The following SAMD12 variants were observed in gnomAD, a reference collection of about 807,000 sequenced individuals.
SAMD12 encodes sterile alpha motif domain containing 12, also known as sterile alpha motif domain-containing protein 12.
Under a neutral mutation model 15.0 loss-of-function variants are expected in SAMD12, and 9 were observed. That is an observed-to-expected ratio of 0.60 (90% CI 0.36 to 1.05). SAMD12 has a LOEUF of 1.05. Among genes scored for constraint, SAMD12 ranks in the 50% least tolerant of loss-of-function variants. SAMD12 has a pLI of 0.01. For synonymous variants in SAMD12, 86 were observed against 90.1 expected (o/e 0.96, Z 0.25); for missense variants, 230 against 234.2 (o/e 0.98, Z 0.12).
intron 3 of SAMD12, among the ~76,000 whole-genome samples, chr8:118,438,590 C>T (rs866721150): frequency 7.9e-5 from 12 of 152,148 alleles, no homozygotes; most frequent in Admixed American, 1.3e-4. Flanking sequence ...AGAAAACCAT[C>T]GACTGAGACC....
chr8:118,411,446 T>C (rs1046475389), intron 3 of SAMD12, among the ~76,000 whole-genome samples: 1 of 152,294 alleles, frequency 6.6e-6, no homozygotes, highest in African/African-American at 2.4e-5. Context: ...CTTTTTAACA[T>C]GTCAGAAGAT....
chr8:118,182,648 G>A, the SAMD12 span, among the ~76,000 whole-genome samples: 13 of 152,124 alleles, frequency 8.5e-5, no homozygotes, highest in Admixed American at 5.9e-4. Flanking sequence ...AAAACTTGAC[G>A]AGCCTGAAAT....
chr8:118,501,942 G>C (rs1438720566), intron 2 of SAMD12, among the ~76,000 whole-genome samples: 1 of 151,572 alleles, frequency 6.6e-6, no homozygotes, highest in Non-Finnish European at 1.5e-5. Context: ...GCACGAACCC[G>C]TTGGGGGGCG....
chr8:118,302,081 T>TTTTTTTTTTG (rs1309623944), intron 4 of SAMD12, among the ~76,000 whole-genome samples: 7 of 65,134 alleles, frequency 1.1e-4, no homozygotes, highest in African/African-American at 4.6e-4. Flanking sequence ...TTTGAGAGTT[T>TTTTTTTTTTG]TTTTTTTTTT....
At chr8:118,460,265 T>C (rs1264536821) in intron 2 of SAMD12, among the ~76,000 whole-genome samples, 1 of 152,228 alleles carries the variant, frequency 6.6e-6, no homozygotes, top group Non-Finnish European at 1.5e-5. Flanking sequence ...ATGGGTAAAG[T>C]ATAAAAACCC....
At chr8:118,206,661 C>T (rs576753496) in intron 4 of SAMD12, among the ~76,000 whole-genome samples, 4 of 152,166 alleles carry the variant, frequency 2.6e-5, no homozygotes, top group African/African-American at 4.8e-5. Flanking sequence ...ATCACTGATG[C>T]GCTGTCTCTA....
At chr8:118,241,925 A>G (rs1341252213) in intron 4 of SAMD12, among the ~76,000 whole-genome samples, 1 of 152,148 alleles carries the variant, frequency 6.6e-6, no homozygotes, top group Non-Finnish European at 1.5e-5. Context: ...GTATTTATTT[A>G]TTTGGAGACT....
exon 5 of SAMD12, chr8:118,196,578 G>C (rs538126689): frequency 1.3e-5 from 2 of 152,222 alleles, no homozygotes; most frequent in South Asian, 4.2e-4. Flanking sequence ...CCTAAGTAAG[G>C]AACCTAGTAT....
chr8:118,422,991 C>T (rs538086497), intron 3 of SAMD12, among the ~76,000 whole-genome samples: 13 of 152,186 alleles, frequency 8.5e-5, no homozygotes, highest in Admixed American at 2.6e-4. Context: ...CTGGGCAACA[C>T]GGTGAAAACC....
At position 118,491,347 on chromosome 8, in the gene SAMD12, C is replaced by T. The variant is rs970585287; in HGVS notation, c.193-51386G>A. Among the ~76,000 whole-genome samples, 6 of 152,142 alleles carry T rather than the reference C, an allele frequency of 3.9e-5. 1 individual carries two copies. The highest frequency in any genetic ancestry group is 4.1e-4 in the South Asian group (2 of 4,832). On this transcript the variant is annotated intron_variant, in intron 2 of 3. Coordinates refer to ENST00000314727, the MANE Select transcript of SAMD12 (RefSeq NM_207506.3). ...TCCTCGCTTTATGCATCTGTGGCTT[C>T]GTAAGACTCATGTCACAAGTGATTT...
chr8:118,329,552 T>G (rs570547834), intron 4 of SAMD12, among the ~76,000 whole-genome samples: 1 of 152,244 alleles, frequency 6.6e-6, no homozygotes, highest in East Asian at 1.9e-4. Flanking sequence ...CCCTTCACTC[T>G]CCATCTACGA....
At chr8:118,183,542 T>TATATATATATATA in the SAMD12 span, among the ~76,000 whole-genome samples, 1,500 of 152,266 alleles carry the variant, frequency 9.9e-3, 22 homozygotes, top group African/African-American at 0.034. Context: ...GATATACAGT[T>TATATATATATATA]TAATGGTTGA....
At chr8:118,448,352 T>G (rs913229439) in intron 2 of SAMD12, among the ~76,000 whole-genome samples, 1 of 152,020 alleles carries the variant, frequency 6.6e-6, no homozygotes, top group Admixed American at 6.6e-5. Context: ...AATTCTGTTA[T>G]TTTTTCTACT....
intron 1 of SAMD12, among the ~76,000 whole-genome samples, chr8:118,584,920 TATAC>T (rs1055117802): frequency 3.4e-5 from 1 of 29,316 alleles, no homozygotes; most frequent in Non-Finnish European, 9.7e-5. Flanking sequence ...AACTTGTAGG[TATAC>T]ACACACACAC....
chr8:118,389,343 A>G (rs1330981906), intron 3 of SAMD12, among the ~76,000 whole-genome samples: 1 of 152,222 alleles, frequency 6.6e-6, no homozygotes, highest in Non-Finnish European at 1.5e-5. Context: ...TGCTTTTGTC[A>G]GGATAACATA....
chr8:118,466,350 G>C (rs902353821), intron 2 of SAMD12, among the ~76,000 whole-genome samples: 1 of 152,092 alleles, frequency 6.6e-6, no homozygotes, highest in African/African-American at 2.4e-5. Context: ...AGACACTTAC[G>C]AAGACTATAT....
the SAMD12 span, among the ~76,000 whole-genome samples, chr8:118,181,366 C>A: frequency 6.6e-6 from 1 of 152,156 alleles, no homozygotes; most frequent in Non-Finnish European, 1.5e-5. Context: ...TTTTTGTCTG[C>A]CTTGCATCCA....
At position 118,378,997 on chromosome 8, in the gene SAMD12, CA is replaced by C; in HGVS notation, c.*419del. 1 of 978,586 alleles carries C rather than the reference CA, an allele frequency of 1.0e-6. No individual in the cohort carries two copies. Among genetic ancestry groups the C allele is most frequent in the South Asian group, 4.6e-5 (1 of 21,606 alleles). The allele number at this position is 978,586 out of a possible 1,614,324, so 60.6% of individuals were successfully genotyped here. On this transcript the variant is annotated 3_prime_UTR_variant, in exon 4 of 4. Coordinates refer to ENST00000314727, the MANE Select transcript of SAMD12 (RefSeq NM_207506.3). ...TTCAAGAAGCTAAATGGGGTTCTTA[CA>C]ATCTCTAAAGTGTGTGTGTATAATA...
intron 2 of SAMD12, among the ~76,000 whole-genome samples, chr8:118,535,720 G>T (rs1005572587): frequency 2.4e-4 from 37 of 152,190 alleles, no homozygotes; most frequent in Admixed American, 1.6e-3. Context: ...AGTGAGCAAG[G>T]CTCCATGAGC....
Sources: allele counts gnomAD v4.1 joint callset (sites outside exome capture counted in the v4.1 genomes callset), GRCh38; gene constraint gnomAD v4.1.1; transcripts MANE v1.5; gene names NCBI Gene and HGNC (gene_info 2026-07-23, HGNC 2026-07-21).